The following TEX9 variants were observed in gnomAD, a reference collection of about 807,000 sequenced individuals.
TEX9 encodes testis-expressed protein 9.
In TEX9, 74 loss-of-function variants were observed where a neutral mutation model predicts 59.6. The observed-to-expected ratio is 1.24, with a 90% confidence interval of 1.03 to 1.51. The LOEUF (loss-of-function observed/expected upper bound fraction) is 1.51, where lower values mean the gene tolerates loss of function less well. TEX9 is among the 40% of genes most tolerant of loss of function. The probability of loss-of-function intolerance (pLI) is 0.00; values close to 1 mark genes in which losing one functional copy is unlikely to be tolerated. For synonymous variants in TEX9, 186 were observed against 152.2 expected (o/e 1.22, Z -1.64); for missense variants, 522 against 447.8 (o/e 1.17, Z -1.49).
intron 1 of TEX9, among the ~76,000 whole-genome samples, chr15:56,272,386 G>A (rs556780184): frequency 6.6e-6 from 1 of 152,252 alleles, no homozygotes; most frequent in Admixed American, 6.5e-5. Flanking sequence ...GGCCTATTGT[G>A]TCTGTCTTCT....
chr15:56,418,655 A>G (rs1393247956), intron 10 of TEX9, among the ~76,000 whole-genome samples: 1 of 151,744 alleles, frequency 6.6e-6, no homozygotes, highest in African/African-American at 2.4e-5. Flanking sequence ...TGTCTCAAAA[A>G]AAACCAAAAA....
At chr15:56,405,523 G>C (rs545737748) in intron 9 of TEX9, among the ~76,000 whole-genome samples, 1 of 152,144 alleles carries the variant, frequency 6.6e-6, no homozygotes, top group South Asian at 2.1e-4. Flanking sequence ...TTTAATACTT[G>C]AGACTTCTAG....
chr15:56,302,399 A>C (rs1445773767), intron 1 of TEX9, among the ~76,000 whole-genome samples: 1 of 151,392 alleles, frequency 6.6e-6, no homozygotes. Context: ...CATGCACCTG[A>C]GATCCCAGCT....
Position 56,316,294 on chromosome 15 carries a change from C to G in TEX9, c.-106-57147C>G, listed in dbSNP as rs371381315. Among the ~76,000 whole-genome samples the G allele has an allele frequency of 7.2e-4, 110 of 152,026 alleles. 1 individual carries two copies. The highest frequency in any genetic ancestry group is 1.9e-3 in the African/African-American group (78 of 41,502). On this transcript the variant is annotated intron_variant, in intron 1 of 5. Coordinates refer to the TEX9 transcript ENST00000560827. ...CATCTTTGTGGTTTTATCTACTTTT[C>G]GTCTTTGATGATGGTGATGTACAGA...
intron 3 of TEX9, among the ~76,000 whole-genome samples, chr15:56,374,797 A>T (rs910245780): frequency 3.3e-5 from 5 of 152,168 alleles, no homozygotes; most frequent in Admixed American, 6.5e-5. Flanking sequence ...AAGTGAGAGC[A>T]TGTGAAGTTT....
chr15:56,429,264 AGACAT>A (rs1330858827), intron 12 of TEX9: 4 of 973,410 alleles, frequency 4.1e-6, no homozygotes. Context: ...TAAGACTGAC[AGACAT>A]AAGATTAGTA....
chr15:56,423,648 C>T (rs1448859128), intron 10 of TEX9, among the ~76,000 whole-genome samples: 3 of 152,200 alleles, frequency 2.0e-5, no homozygotes, highest in East Asian at 1.9e-4. Context: ...CCAAAAAGAA[C>T]GTCTGTACCC....
At chr15:56,290,759 G>T (rs147938724) in intron 1 of TEX9, among the ~76,000 whole-genome samples, 63 of 151,874 alleles carry the variant, frequency 4.1e-4, no homozygotes, top group Non-Finnish European at 7.5e-4. Flanking sequence ...CTGGCGACCA[G>T]CAATCCTTTC....
chr15:56,321,379 A>C (rs2045898384), intron 1 of TEX9, among the ~76,000 whole-genome samples: 2 of 152,196 alleles, frequency 1.3e-5, no homozygotes, highest in South Asian at 4.1e-4. Context: ...ATGGAAAGAG[A>C]CTGGGAACTT....
intron 1 of TEX9, among the ~76,000 whole-genome samples, chr15:56,262,550 T>A (rs1339412832): frequency 6.6e-6 from 1 of 152,228 alleles, no homozygotes; most frequent in Non-Finnish European, 1.5e-5. Context: ...ACATTTTATA[T>A]GTGCTTGAAA....
At chr15:56,417,390 A>G (rs1469565784) in intron 10 of TEX9, among the ~76,000 whole-genome samples, 2 of 151,840 alleles carry the variant, frequency 1.3e-5, no homozygotes, top group Non-Finnish European at 2.9e-5. Flanking sequence ...AGATTCTGGT[A>G]TGTTATATCT....
At chr15:56,253,503 A>G (rs1460121208) in intron 1 of TEX9, among the ~76,000 whole-genome samples, 1 of 152,168 alleles carries the variant, frequency 6.6e-6, no homozygotes, top group Non-Finnish European at 1.5e-5. Flanking sequence ...TGAGGTCCCT[A>G]AAGAAAGCCA....
chr15:56,249,508 G>A (rs2043958073), intron 1 of TEX9, among the ~76,000 whole-genome samples: 1 of 151,888 alleles, frequency 6.6e-6, no homozygotes, highest in Admixed American at 6.6e-5. Context: ...GGGGCGCTGA[G>A]ACAGGTGGAT....
At chr15:56,345,528 A>T (rs1009809226) in intron 1 of TEX9, among the ~76,000 whole-genome samples, 3 of 152,034 alleles carry the variant, frequency 2.0e-5, no homozygotes, top group Admixed American at 6.6e-5. Flanking sequence ...GGCCCAGATG[A>T]TCCTCCCACC....
chr15:56,361,810 T>C (rs1405848038), upstream of TEX9, among the ~76,000 whole-genome samples: 2 of 152,204 alleles, frequency 1.3e-5, no homozygotes, highest in African/African-American at 4.8e-5. Flanking sequence ...GTTGTAGTGA[T>C]GCAGCTGCAA....
intron 1 of TEX9, among the ~76,000 whole-genome samples, chr15:56,274,982 C>A (rs1361949769): frequency 6.6e-6 from 1 of 152,206 alleles, no homozygotes; most frequent in Non-Finnish European, 1.5e-5. Context: ...TCCAAGGTAT[C>A]TTACTTGCCA....
chr15:56,386,986 A>C (rs2047988278), intron 4 of TEX9, among the ~76,000 whole-genome samples: 1 of 151,176 alleles, frequency 6.6e-6, no homozygotes, highest in Non-Finnish European at 1.5e-5. Context: ...AATATATTTT[A>C]ATAGGTCTTC....
At chr15:56,245,757 C>T (rs1243263936) in intron 1 of TEX9, among the ~76,000 whole-genome samples, 1 of 152,098 alleles carries the variant, frequency 6.6e-6, no homozygotes, top group African/African-American at 2.4e-5. Flanking sequence ...CTTAAAATTA[C>T]CCAATTAGTA....
At chr15:56,439,494 G>C (rs2050783256) in intron 12 of TEX9, among the ~76,000 whole-genome samples, 1 of 152,020 alleles carries the variant, frequency 6.6e-6, no homozygotes, top group African/African-American at 2.4e-5. Context: ...ATTCAAAACT[G>C]TGTAGTATTG....
Sources: allele counts gnomAD v4.1 joint callset (sites outside exome capture counted in the v4.1 genomes callset), GRCh38; gene constraint gnomAD v4.1.1; transcripts MANE v1.5; gene names NCBI Gene and HGNC (gene_info 2026-07-23, HGNC 2026-07-21).